Variants in PKD1L3 observed in about 807,000 individuals in gnomAD.
The protein encoded by PKD1L3 is polycystin-1-like protein 3.
Under a neutral mutation model 184.1 loss-of-function variants are expected in PKD1L3, and 239 were observed. The observed-to-expected ratio is 1.30, with a 90% CI of 1.17 to 1.45. The LOEUF is 1.45. Ranked by LOEUF, PKD1L3 falls within the 40% of genes most tolerant of loss-of-function variation. The pLI, the probability that PKD1L3 is intolerant of heterozygous loss-of-function variation, is 0.00. For synonymous variants in PKD1L3, 996 were observed against 778.8 expected (o/e 1.28, Z -4.64); for missense variants, 2,660 against 2,067.2 (o/e 1.29, Z -5.56).
chr16:71,933,872 C>G (rs1597274992), intron 27 of PKD1L3, 43 bp downstream of exon 27: 1 of 1,537,608 alleles, frequency 6.5e-7, no homozygotes, highest in East Asian at 2.5e-5. Context: ...GATTCCAAGA[C>G]CACAGCACAC....
intron 4 of PKD1L3, among the ~76,000 whole-genome samples, chr16:71,989,816 T>C (rs1475789934): frequency 6.6e-6 from 1 of 152,116 alleles, no homozygotes; most frequent in Non-Finnish European, 1.5e-5. Flanking sequence ...GGCTCACACG[T>C]GTAATCCCAG....
At chr16:71,944,691 T>C (rs1053877953) in intron 22 of PKD1L3, among the ~76,000 whole-genome samples, 1 of 131,456 alleles carries the variant, frequency 7.6e-6, no homozygotes, top group African/African-American at 2.7e-5. Context: ...CAAGACCATA[T>C]CTGTTTTTTG....
chr16:71,993,220 G>A lies in PKD1L3; in HGVS notation c.531C>T (p.Pro177=). ...RGVAIARDKM[P]PGPGHLPTTC... is the part of the protein sequence containing the mutation. ...ACTAGAGGAGTAACGCATTACCTGG[G>A]GGCATTTTGTCTCTTGCTATTGCAA... The change falls in exon 3 of 30, where the codon CCC becomes CCT. Residue 177 remains proline, a synonymous_variant. Coordinates refer to ENST00000620267, the MANE Select transcript of PKD1L3 (RefSeq NM_181536.2). The A allele has an allele frequency of 1.3e-6, 2 of 1,541,598 alleles. No homozygotes were observed. The highest frequency in any genetic ancestry group is 1.8e-6 in the Non-Finnish European group (2 of 1,140,228).
rs1489903495 is a variant in PKD1L3, at chr16:71,977,402, C to A, written c.1593G>T (p.Gln531His). 6.4e-7 allele frequency: 1 copy of A among 1,551,442 alleles called. No individual in the cohort carries two copies. Among genetic ancestry groups the A allele is most frequent in the Admixed American group, 2.0e-5 (1 of 50,968 alleles). ...HPTSLNMSTH[Q>H]LTITVNVTSL... is the part of the protein sequence containing the mutation. The stretch of plus-strand genomic sequence containing the variant: ...AAGTGACGTTCACTGTGATTGTAAG[C>A]TGATGTGTGCTCATGTTGAGGCTGG... The change falls in exon 11 of 30, where the codon CAG (glutamine) becomes CAT (histidine). Residue 531 changes from glutamine to histidine, a missense_variant. Transcript: ENST00000620267.
intron 14 of PKD1L3, among the ~76,000 whole-genome samples, 162 bp downstream of exon 14, chr16:71,967,744 C>T (rs1048603898): frequency 2.6e-5 from 4 of 152,126 alleles, no homozygotes; most frequent in Admixed American, 6.6e-5. Flanking sequence ...GGATTACAGG[C>T]GTGAACCCCC....
chr16:71,944,106 A>T lies in PKD1L3; in HGVS notation c.3783T>A (p.Ala1261=), dbSNP rs1276359750. 1.9e-6 allele frequency: 3 copies of T among 1,551,626 alleles called. No individual in the cohort carries two copies. The Admixed American group carries it at 5.9e-5, about 30-fold the overall frequency. The change falls in exon 23 of 30, where the codon GCT becomes GCA. Residue 1261 remains alanine (A), a synonymous_variant. Transcript: ENST00000620267. ...DKNNPVYVAP[A]INSPTKHPER... ...CTGGGTGCTTAGTTGGACTATTTAT[A>T]GCTGGGGCTACATAGACGGGGTTGT... is the stretch of plus-strand genomic sequence containing the variant.
chr16:71,978,124 TA>T, intron 10 of PKD1L3, 130 bp downstream of exon 10: 1 of 1,131,802 alleles, frequency 8.8e-7, no homozygotes, highest in Non-Finnish European at 1.2e-6. Context: ...TAAAAGTTCC[TA>T]AGATGTTAAT....
At position 71,930,033 on chromosome 16, in the gene PKD1L3, T is replaced by TA; in HGVS notation, c.5058+18_5058+19insT. The TA allele has an allele frequency of 1.9e-6, 3 of 1,543,030 alleles. No individual in the cohort carries two copies. The East Asian group carries it at 7.3e-5, about 38-fold the overall frequency. On this transcript the variant is annotated intron_variant, in intron 29 of 29. Coordinates refer to ENST00000620267, the MANE Select transcript of PKD1L3 (RefSeq NM_181536.2). Reference sequence around the variant, plus strand: ...CCCAGTGATATAACAGCATGCTAGTTTATCTTTTAGTTACCTACCTTAAGC... The same window carrying TA: ...CCCAGTGATATAACAGCATGCTAGTTATATCTTTTAGTTACCTACCTTAAGC...
intron 7 of PKD1L3, among the ~76,000 whole-genome samples, chr16:71,981,535 CTT>C (rs543488508): frequency 1.8e-4 from 19 of 105,076 alleles, no homozygotes; most frequent in African/African-American, 5.6e-4. Context: ...TTCCTAAATT[CTT>C]TTTTTTTTTT....
rs1045309461 is a variant in PKD1L3, at chr16:71,967,206, G to A, written c.2396C>T (p.Thr799Ile). The A allele has an allele frequency of 5.2e-6, 8 of 1,551,634 alleles. No homozygotes were observed. Among genetic ancestry groups the A allele is most frequent in the Non-Finnish European group, 7.0e-6 (8 of 1,146,992 alleles). The change falls in exon 15 of 30, where the codon ACT becomes ATT. Residue 799 changes from threonine to isoleucine, a missense_variant. Thr to Ile is a moderately conservative substitution (Grantham distance 89). Transcript: ENST00000620267. Reference sequence around the variant, plus strand: ...GTGCAGGTTCCCTAGAGAGGTCCAAGTGGTGAGAAGGAAGACATCCAGGCC... The same window carrying A: ...GTGCAGGTTCCCTAGAGAGGTCCAAATGGTGAGAAGGAAGACATCCAGGCC... ...RGGLDVFLLT[T>I]WTSLGNLHSL...
chr16:71,954,978 C>T (rs2038989091), intron 16 of PKD1L3, among the ~76,000 whole-genome samples: 2 of 152,032 alleles, frequency 1.3e-5, no homozygotes, highest in Non-Finnish European at 1.5e-5. Context: ...GCCTGGAGCT[C>T]ATGAAAGGAT....
At position 71,935,457 on chromosome 16, in the gene PKD1L3, G is replaced by C. The variant is rs2038142591; in HGVS notation, c.4514C>G (p.Thr1505Arg). 6.4e-7 allele frequency: 1 copy of C among 1,551,982 alleles called. No homozygotes were observed. The highest frequency in any genetic ancestry group is 8.7e-7 in the Non-Finnish European group (1 of 1,147,064). The change falls in exon 26 of 30, where the codon ACA becomes AGA. Residue 1505 changes from threonine to arginine, a missense_variant. Physicochemically the swap from Thr to Arg is moderately conservative, Grantham distance 71. Coordinates refer to ENST00000620267, the MANE Select transcript of PKD1L3 (RefSeq NM_181536.2). ...FFTGKRNILD[T>R]SIILISFILL... Reference sequence around the variant, plus strand: ...GATGAAGCTAATGAGGATTATACTTGTGTCCAGAATGTTTCTTTTCCCAGT... The same window carrying C: ...GATGAAGCTAATGAGGATTATACTTCTGTCCAGAATGTTTCTTTTCCCAGT...
chr16:71,932,704 C>T (rs1233335442), intron 28 of PKD1L3, among the ~76,000 whole-genome samples: 1 of 151,184 alleles, frequency 6.6e-6, no homozygotes, highest in African/African-American at 2.4e-5. Context: ...GTCTTGAACT[C>T]CTGACCTCAA....
intron 15 of PKD1L3, among the ~76,000 whole-genome samples, chr16:71,965,237 T>A (rs2039457584): frequency 6.6e-6 from 1 of 152,214 alleles, no homozygotes; most frequent in South Asian, 2.1e-4. Flanking sequence ...TTCCTTTTCG[T>A]TGAGTAGTAT....
Position 71,993,350 on chromosome 16 carries a change from C to A in PKD1L3, c.419-18G>T. On this transcript the variant is annotated intron_variant, in intron 2 of 29. Coordinates refer to ENST00000620267, the MANE Select transcript of PKD1L3 (RefSeq NM_181536.2). ...AAAGTCACCTATTTGAAAGCCAACACACAAGTTAATTTATAGGTTATAGCT... is the reference window on the plus strand; with the variant it reads ...AAAGTCACCTATTTGAAAGCCAACAAACAAGTTAATTTATAGGTTATAGCT... 3.4e-6 allele frequency: 5 copies of A among 1,466,614 alleles called. No individual in the cohort carries two copies. The highest frequency in any genetic ancestry group is 2.8e-6 in the Non-Finnish European group (3 of 1,075,438). The allele number at this position is 1,466,614 out of a possible 1,614,324, so 90.9% of individuals were successfully genotyped here. A position where few individuals can be genotyped will look rare whatever the true frequency, so the allele number is the denominator to read the frequency against.
chr16:71,940,911 C>G lies in PKD1L3; in HGVS notation c.4324+1649G>C, dbSNP rs2038338674. Reference sequence around the variant, plus strand: ...AGTGCACTGGTATGATCTCAGCTCACTACAACCTTTGATTCCCAGGATCAA... The same window carrying G: ...AGTGCACTGGTATGATCTCAGCTCAGTACAACCTTTGATTCCCAGGATCAA... On this transcript the variant is annotated intron_variant, in intron 24 of 29. Transcript: ENST00000620267. Among the ~76,000 whole-genome samples the G allele has an allele frequency of 1.3e-5, 2 of 151,966 alleles. 1 individual carries two copies. Among genetic ancestry groups the G allele is most frequent in the African/African-American group, 4.8e-5 (2 of 41,376 alleles).
intron 3 of PKD1L3, chr16:71,991,159 C>A (rs149066538): frequency 1.3e-3 from 241 of 186,484 alleles, no homozygotes; most frequent in African/African-American, 5.3e-3. Flanking sequence ...CCTTACAGAC[C>A]CAGCATGCCT....
At position 71,998,389 on chromosome 16, in the gene PKD1L3, C is replaced by T. The variant is rs1475021984; in HGVS notation, c.301G>A (p.Val101Ile). Reference protein sequence around the residue: ...KHQDNKYPADVAANGPPKPLS... With the variant: ...KHQDNKYPADIAANGPPKPLS... ...GGCTTTGGGGGCCCGTTGGCTGCAA[C>T]GTCTGCTGAGGGGAGATCAGACGCA... is the stretch of plus-strand genomic sequence containing the variant. Residue 101 changes from valine to isoleucine, a missense_variant, in exon 2 of 30, where the codon GTT becomes ATT. Transcript: ENST00000620267. 75 of 1,551,098 alleles carry T rather than the reference C, an allele frequency of 4.8e-5. No individual in the cohort carries two copies. Among genetic ancestry groups the T allele is most frequent in the East Asian group, 2.4e-4 (10 of 40,920 alleles).
intron 27 of PKD1L3, 135 bp downstream of exon 27, chr16:71,933,780 T>G: frequency 1.1e-6 from 1 of 948,374 alleles, no homozygotes. Context: ...ACCAGTTAAG[T>G]GTGGAACTAG....
Sources: allele counts gnomAD v4.1 joint callset (sites outside exome capture counted in the v4.1 genomes callset), GRCh38; gene constraint gnomAD v4.1.1; transcripts MANE v1.5; gene names NCBI Gene and HGNC (gene_info 2026-07-23, HGNC 2026-07-21).